Variants in ADAM32 observed in about 807,000 individuals in gnomAD.
ADAM32 encodes the protein disintegrin and metalloproteinase domain-containing protein 32.
ADAM32 carries 89 observed loss-of-function variants against 114.9 expected under a neutral mutation model. The ratio of observed to expected loss-of-function variants is 0.77; its 90% confidence interval spans 0.65 to 0.92. The LOEUF (loss-of-function observed/expected upper bound fraction) is 0.92, where lower values mean the gene tolerates loss of function less well. ADAM32 is among the 40% of genes least tolerant of loss of function. ADAM32 has a pLI of 0.00. For missense variants in ADAM32, 870 were observed against 932.8 expected, an observed-to-expected ratio of 0.93 and a Z score of 0.88; for synonymous variants, 285 against 307.5, an observed-to-expected ratio of 0.93 and a Z score of 0.77.
chr8:39,125,861 G>C (rs1056547259), intron 2 of ADAM32, among the ~76,000 whole-genome samples: 4 of 152,150 alleles, frequency 2.6e-5, no homozygotes, highest in Non-Finnish European at 5.9e-5. Context: ...AAGGAGTCCA[G>C]TTTAAATTTT....
chr8:39,152,541 G>T (rs975043693), intron 6 of ADAM32, among the ~76,000 whole-genome samples: 1 of 151,602 alleles, frequency 6.6e-6, no homozygotes, highest in Non-Finnish European at 1.5e-5. Context: ...TGCCAACATG[G>T]TGAAACCCCG....
chr8:39,254,434 G>C lies in ADAM32; in HGVS notation c.1923G>C (p.Lys641Asn), dbSNP rs1309747361. Residue 641 changes from lysine to asparagine, a missense_variant, in exon 18 of 25, where the codon AAG becomes AAC. Coordinates refer to ENST00000379907, the MANE Select transcript of ADAM32 (RefSeq NM_145004.7). ...CCTAGGTGTGTGATTCCAGAAACAA[G>C]TGCCATTGTTCGCCAGGCTATAAGC... is the stretch of plus-strand genomic sequence containing the variant. ...SGHGVCDSRN[K>N]CHCSPGYKPP... 1.9e-6 allele frequency: 3 copies of C among 1,599,534 alleles called. No homozygotes were observed. Among genetic ancestry groups the C allele is most frequent in the Non-Finnish European group, 2.6e-6 (3 of 1,172,450 alleles).
intron 3 of ADAM32, among the ~76,000 whole-genome samples, chr8:39,143,677 C>G (rs1003332299): frequency 6.6e-6 from 1 of 152,156 alleles, no homozygotes; most frequent in Non-Finnish European, 1.5e-5. Flanking sequence ...CAGGGACCCA[C>G]TTGAGGAGGC....
At chr8:39,182,478 A>T (rs1476207881) in intron 10 of ADAM32, among the ~76,000 whole-genome samples, 1 of 152,228 alleles carries the variant, frequency 6.6e-6, no homozygotes, top group Non-Finnish European at 1.5e-5. Context: ...AAATGGTTAA[A>T]TCTAGCTAAC....
chr8:39,278,626 C>A (rs1813234158), intron 22 of ADAM32, among the ~76,000 whole-genome samples: 1 of 151,546 alleles, frequency 6.6e-6, no homozygotes, highest in Admixed American at 6.6e-5. Flanking sequence ...CCTACAGAAC[C>A]CTACCCTCCA....
intron 14 of ADAM32, among the ~76,000 whole-genome samples, chr8:39,224,562 A>C (rs559855064): frequency 6.6e-6 from 1 of 151,872 alleles, no homozygotes; most frequent in Admixed American, 6.6e-5. Context: ...TCTCTGGAGA[A>C]ATGTTTATTC....
intron 18 of ADAM32, among the ~76,000 whole-genome samples, chr8:39,255,089 A>G (rs1811563463): frequency 2.0e-5 from 3 of 151,944 alleles, no homozygotes; most frequent in African/African-American, 7.2e-5. Flanking sequence ...CATGGTGTAT[A>G]TATACATCAC....
At chr8:39,175,601 G>A (rs1027568946) in intron 10 of ADAM32, among the ~76,000 whole-genome samples, 13 of 152,222 alleles carry the variant, frequency 8.5e-5, no homozygotes, top group Non-Finnish European at 1.6e-4. Context: ...GAGGATTTTT[G>A]CATCGATGTT....
At chr8:39,284,412 TACAC>T (rs1008298018) in intron 24 of ADAM32, among the ~76,000 whole-genome samples, 6 of 149,558 alleles carry the variant, frequency 4.0e-5, no homozygotes, top group African/African-American at 5.0e-5. Flanking sequence ...TACACACACA[TACAC>T]ACACACACGG....
chr8:39,151,672 TATC>T (rs1803840864), intron 6 of ADAM32, 124 bp downstream of exon 6: 1 of 658,872 alleles, frequency 1.5e-6, no homozygotes, highest in Non-Finnish European at 2.2e-6. Flanking sequence ...GTGAACATCT[TATC>T]TTTTTTTTTT....
rs550763738 is a variant in ADAM32, at chr8:39,239,027, C to A, written c.1818+4945C>A. 3.9e-5 allele frequency among the ~76,000 whole-genome samples: 6 copies of A among 152,036 alleles called. No individual in the cohort carries two copies. The South Asian group carries it at 1.2e-3, about 32-fold the overall frequency. ...GAATAATCAAGGAGAACTTCCCTGG[C>A]CTTGCTAGAGATCTCGACTTCCAAA... On this transcript the variant is annotated intron_variant, in intron 16 of 24. Coordinates refer to ENST00000379907, the MANE Select transcript of ADAM32 (RefSeq NM_145004.7).
rs7830120 is a variant in ADAM32, at chr8:39,274,171, G to A, written c.2202-141G>A. 30,736 of 783,586 alleles carry A rather than the reference G, an allele frequency of 0.039. 6,694 individuals are homozygous for A. The African/African-American group carries it at 0.48, about 12-fold the overall frequency. The allele number at this position is 783,586 out of a possible 1,614,324, so 48.5% of individuals were successfully genotyped here. A position where few individuals can be genotyped will look rare whatever the true frequency, so the allele number is the denominator to read the frequency against. ...TTATTTATTTGCATCTATGTTCAGT[G>A]ACCTTTGGACATCATTTTATTTATT... On this transcript the variant is annotated intron_variant, in intron 20 of 24. Transcript: ENST00000379907.
intron 11 of ADAM32, among the ~76,000 whole-genome samples, chr8:39,196,513 T>C (rs1050311557): frequency 6.6e-6 from 1 of 152,152 alleles, no homozygotes; most frequent in Non-Finnish European, 1.5e-5. Flanking sequence ...ATTTTTTCTA[T>C]ATCTAACTTA....
Position 39,157,660 on chromosome 8 carries a change from C to T in ADAM32, c.526-3237C>T, listed in dbSNP as rs374236448. ...TAGTGTCAATGAACTTAAGGTCAGT[C>T]TTCTCCAGAGCCTGCTGCTTGGTCT... On this transcript the variant is annotated intron_variant, in intron 6 of 24. Coordinates refer to ENST00000379907, the MANE Select transcript of ADAM32 (RefSeq NM_145004.7). The T allele has an allele frequency of 4.8e-5, 34 of 703,830 alleles. 2 individuals are homozygous for T. Among genetic ancestry groups the T allele is most frequent in the African/African-American group, 3.0e-4 (17 of 56,512 alleles). The allele number at this position is 703,830 out of a possible 1,614,324, so 43.6% of individuals were successfully genotyped here. A position where few individuals can be genotyped will look rare whatever the true frequency, so the allele number is the denominator to read the frequency against.
At chr8:39,144,580 G>T (rs995977207) in intron 3 of ADAM32, among the ~76,000 whole-genome samples, 1 of 152,172 alleles carries the variant, frequency 6.6e-6, no homozygotes, top group African/African-American at 2.4e-5. Flanking sequence ...AGTTTAGAAT[G>T]GGGGAGAGAA....
intron 4 of ADAM32, among the ~76,000 whole-genome samples, chr8:39,149,037 T>C (rs1021294256): frequency 6.6e-6 from 1 of 152,164 alleles, no homozygotes; most frequent in African/African-American, 2.4e-5. Flanking sequence ...ATTCTAAAGT[T>C]TTTAGGTATA....
At chr8:39,165,267 G>A in intron 9 of ADAM32, 71 bp downstream of exon 9, 1 of 1,101,082 alleles carries the variant, frequency 9.1e-7, no homozygotes, top group Non-Finnish European at 1.2e-6. Flanking sequence ...TTAATGTAAG[G>A]AATTATTATT....
chr8:39,119,098 T>C (rs923621314), intron 2 of ADAM32, among the ~76,000 whole-genome samples: 1 of 152,258 alleles, frequency 6.6e-6, no homozygotes, highest in Non-Finnish European at 1.5e-5. Flanking sequence ...TATGTGGATA[T>C]ACCACATTTT....
At chr8:39,141,936 AT>A (rs1237989067) in intron 3 of ADAM32, among the ~76,000 whole-genome samples, 1 of 152,070 alleles carries the variant, frequency 6.6e-6, no homozygotes, top group African/African-American at 2.4e-5. Flanking sequence ...TCCCTTTACC[AT>A]TATGTAGTGG....
Sources: gnomAD v4.1 joint callset for allele counts (sites outside exome capture counted in the v4.1 genomes callset) on GRCh38, gnomAD v4.1.1 for gene constraint, MANE v1.5 for transcripts, NCBI Gene and HGNC (gene_info 2026-07-23, HGNC 2026-07-21) for gene names.